TGM1: variants seen among roughly 807,000 people sequenced by gnomAD.
TGM1 encodes transglutaminase 1.
TGM1 carries 63 observed loss-of-function variants against 88.7 expected under a neutral mutation model. That is an observed-to-expected ratio of 0.71 (90% CI 0.58 to 0.88). The LOEUF is 0.88. TGM1 is among the 40% of genes least tolerant of loss of function. The probability of loss-of-function intolerance (pLI) is 0.00; values close to 1 mark genes in which losing one functional copy is unlikely to be tolerated. For synonymous variants in TGM1, 415 were observed against 431.1 expected (o/e 0.96, Z 0.46); for missense variants, 996 against 1,118.0 (o/e 0.89, Z 1.56).
At position 24,249,145 on chromosome 14, in the gene TGM1, C is replaced by G. The variant is rs1594562648; in HGVS notation, c.*168G>C. 2.9e-6 allele frequency: 2 copies of G among 700,314 alleles called. No individual in the cohort carries two copies. The highest frequency in any genetic ancestry group is 3.0e-5 in the South Asian group (2 of 66,582). The allele number at this position is 700,314 out of a possible 1,614,324, so 43.4% of individuals were successfully genotyped here. A position where few individuals can be genotyped will look rare whatever the true frequency, so the allele number is the denominator to read the frequency against. On this transcript the variant is annotated 3_prime_UTR_variant, in exon 15 of 15. Coordinates refer to ENST00000206765, the MANE Select transcript of TGM1 (RefSeq NM_000359.3). ...AAAAAACAGTTTATTAGCATCTGTT[C>G]CCCCAGTGCAAGTGAAGACTGACTC...
chr14:24,255,530 G>C lies in TGM1; in HGVS notation c.1492-13C>G, dbSNP rs1713346968. 1.9e-6 allele frequency: 3 copies of C among 1,612,654 alleles called. No individual in the cohort carries two copies. Among genetic ancestry groups the C allele is most frequent in the Non-Finnish European group, 1.7e-6 (2 of 1,180,022 alleles). On this transcript the variant is annotated splice_polypyrimidine_tract_variant and intron_variant, in intron 10 of 14. Coordinates refer to ENST00000206765, the MANE Select transcript of TGM1 (RefSeq NM_000359.3). This position sits in a 1 kb window ranked among gnomAD's most constrained non-coding sequence, Gnocchi z 4.0. ...TGTCACTATTCACCTGTGGGGGGTG[G>C]GGGTGAGCAGGAATGAGTGAGCCAG...
intron 14 of TGM1, among the ~76,000 whole-genome samples, chr14:24,253,190 C>T (rs1024205657): frequency 2.6e-5 from 4 of 152,174 alleles, no homozygotes; most frequent in African/African-American, 9.7e-5. Flanking sequence ...GAGATGTGAC[C>T]GCCAGCTTCC....
chr14:24,261,680 C>A lies in TGM1; in HGVS notation c.508+15G>T. On this transcript the variant is annotated intron_variant, in intron 3 of 14. Transcript: ENST00000206765. ...ACATAGGGCCTTCACCCGTCCCAAT[C>A]CAAGCCCCACTGACCGATGAGTAAC... The A allele has an allele frequency of 6.2e-7, 1 of 1,614,010 alleles. No individual in the cohort carries two copies.
At chr14:24,252,694 C>T (rs939952752) in intron 14 of TGM1, among the ~76,000 whole-genome samples, 51 of 151,702 alleles carry the variant, frequency 3.4e-4, no homozygotes, top group African/African-American at 1.2e-3. Flanking sequence ...GCGAAGGTGG[C>T]AGCCACCACC....
chr14:24,259,922 T>G lies in TGM1; in HGVS notation c.876+18A>C, dbSNP rs752838184. 6 of 1,612,028 alleles carry G rather than the reference T, an allele frequency of 3.7e-6. No individual in the cohort carries two copies. The African/African-American group carries it at 8.0e-5, about 22-fold the overall frequency. On this transcript the variant is annotated intron_variant, in intron 5 of 14. Transcript: ENST00000206765. The surrounding 1 kb of genome is among the most constrained non-coding windows in gnomAD (Gnocchi z 5.7). ...CAGCTCCTCTGGGTGTATGTGACCC[T>G]GGCCAGCCGCACCATACCTGGCCGT...
In TGM1 at chr14:24,255,168, C is replaced by G. The variant is rs756529645; in HGVS notation, c.1731G>C (p.Glu577Asp). The G allele has an allele frequency of 3.1e-5, 50 of 1,613,998 alleles. No homozygotes were observed. The highest frequency in any genetic ancestry group is 3.7e-5 in the Non-Finnish European group (44 of 1,180,042). Residue 577 changes from glutamate (E) to aspartate (D), a missense_variant, in exon 12 of 15, where the codon GAG becomes GAC. Glu to Asp is a conservative substitution (Grantham distance 45). Transcript: ENST00000206765. The surrounding 1 kb of genome is among the most constrained non-coding windows in gnomAD (Gnocchi z 4.0). ...GTGCCTCCACCTGCATGGCCACATC[C>G]TCCGCTGAGCCCCGGTTGGCATACA... The part of the protein sequence containing the change: ...PNVYANRGSA[E>D]DVAMQVEAQD...
At chr14:24,256,448 C>T (rs1207340099) in intron 9 of TGM1, among the ~76,000 whole-genome samples, 8 of 152,180 alleles carry the variant, frequency 5.3e-5, no homozygotes. Flanking sequence ...ATCTGTGACC[C>T]CCAGAGGACA....
At chr14:24,261,980 C>T in intron 2 of TGM1, 54 bp downstream of exon 2, 1 of 1,611,098 alleles carries the variant, frequency 6.2e-7, no homozygotes. Context: ...GGCTGAGTCT[C>T]TGGTCCCATT....
At chr14:24,252,972 T>C (rs1286490964) in intron 14 of TGM1, among the ~76,000 whole-genome samples, 1 of 152,180 alleles carries the variant, frequency 6.6e-6, no homozygotes, top group East Asian at 1.9e-4. Context: ...ACACAGCATG[T>C]GTGTGCCCTC....
intron 4 of TGM1, 56 bp from the exon 5 acceptor site, chr14:24,260,114 C>T (rs1374344985): frequency 6.7e-7 from 1 of 1,496,834 alleles, no homozygotes; most frequent in Non-Finnish European, 9.3e-7. Flanking sequence ...CTGGGCCTCA[C>T]CTACTTCTGG....
rs1400781472 is a variant in TGM1, at chr14:24,256,096, C to G, written c.1403-19G>C. 1.9e-6 allele frequency: 3 copies of G among 1,548,978 alleles called. No homozygotes were observed. Among genetic ancestry groups the G allele is most frequent in the Non-Finnish European group, 2.6e-6 (3 of 1,143,384 alleles). ...AAGATGCCTAGAGAGTGAGGCGGGA[C>G]AGAGGCAAGAGATCTGAGAAGGCGG... On this transcript the variant is annotated intron_variant, in intron 9 of 14. Transcript: ENST00000206765.
rs1399553337 is a variant in TGM1 at position 24,259,230 on chromosome 14, T to C, written c.1004A>G (p.Asn335Ser). 1 of 1,613,428 alleles carries C rather than the reference T, an allele frequency of 6.2e-7. No homozygotes were observed. The highest frequency in any genetic ancestry group is 8.5e-7 in the Non-Finnish European group (1 of 1,179,694). ...ISAMVNSLDD[N>S]GVLIGNWSGD... ...AGACCAGTTCCCAATCAGGACTCCATTGTCATCCAGGGAGTTCACCTGCCC... is the reference window on the plus strand; with the variant it reads ...AGACCAGTTCCCAATCAGGACTCCACTGTCATCCAGGGAGTTCACCTGCCC... Residue 335 changes from asparagine (N) to serine (S), a missense_variant, in exon 7 of 15, where the codon AAT becomes AGT. Transcript: ENST00000206765. The surrounding 1 kb of genome is among the most constrained non-coding windows in gnomAD (Gnocchi z 5.7).
Position 24,254,136 on chromosome 14 carries a change from G to C in TGM1, c.2225+16C>G, listed in dbSNP as rs1392064484. On this transcript the variant is annotated intron_variant, in intron 14 of 14. Coordinates refer to ENST00000206765, the MANE Select transcript of TGM1 (RefSeq NM_000359.3). Reference sequence around the variant, plus strand: ...GCCAGAGTGGAAGCAGGGGTAGGGGGAGAGGCCAGACTCACCCAACGTTGA... The same window carrying C: ...GCCAGAGTGGAAGCAGGGGTAGGGGCAGAGGCCAGACTCACCCAACGTTGA... 2 of 1,605,814 alleles carry C rather than the reference G, an allele frequency of 1.2e-6. No homozygotes were observed. The highest frequency in any genetic ancestry group is 2.7e-5 in the African/African-American group (2 of 74,836).
chr14:24,258,259 G>T, intron 9 of TGM1, 26 bp downstream of exon 9: 1 of 1,568,316 alleles, frequency 6.4e-7, no homozygotes, highest in Non-Finnish European at 8.8e-7. Context: ...GCAGGGGCAT[G>T]GTGGGGAGTG....
rs760562528 is a variant in TGM1 at position 24,258,576 on chromosome 14, C to T, written c.1257G>A (p.Glu419=). 1.9e-6 allele frequency: 3 copies of T among 1,614,132 alleles called. No homozygotes were observed. The highest frequency in any genetic ancestry group is 2.2e-5 in the South Asian group (2 of 91,078). ...TCAGGTGCTCCAGGGGCTTCATGTTCTCGTCGAAGTAGATGTCCATGGTAA... is the reference window on the plus strand; with the variant it reads ...TCAGGTGCTCCAGGGGCTTCATGTTTTCGTCGAAGTAGATGTCCATGGTAA... The part of the protein sequence containing the change: ...TSLTMDIYFD[E]NMKPLEHLNH... Residue 419 remains glutamate, a synonymous_variant, in exon 8 of 15, where the codon GAG becomes GAA. Transcript: ENST00000206765.
rs139387079 is a variant in TGM1 at position 24,254,217 on chromosome 14, G to C, written c.2160C>G (p.Thr720=). 1.9e-6 allele frequency: 3 copies of C among 1,613,912 alleles called. No homozygotes were observed. Among genetic ancestry groups the C allele is most frequent in the East Asian group, 4.5e-5 (2 of 44,892 alleles). The part of the protein sequence containing the change: ...QIVFKNPLPV[T]LTNVVFRLEG... ...CGAGCCGGAAGACGACATTGGTGAG[G>C]GTGACGGGAAGGGGGTTCTTGAAGA... The change falls in exon 14 of 15, where the codon ACC becomes ACG. Residue 720 remains threonine, a synonymous_variant. Coordinates refer to ENST00000206765, the MANE Select transcript of TGM1 (RefSeq NM_000359.3).
intron 1 of TGM1, 146 bp from the exon 2 acceptor site, chr14:24,262,500 A>G (rs2040822807): frequency 2.2e-6 from 2 of 891,160 alleles, no homozygotes; most frequent in Admixed American, 2.0e-5. Context: ...ACACATCCAG[A>G]GACCTTCCGC....
chr14:24,261,150 G>A (rs1242801784), intron 3 of TGM1, among the ~76,000 whole-genome samples: 1 of 152,196 alleles, frequency 6.6e-6, no homozygotes, highest in African/African-American at 2.4e-5. Flanking sequence ...ATTAAAGGAT[G>A]AGGTGGGCAA....
chr14:24,252,634 C>CA (rs1429516089), intron 14 of TGM1, among the ~76,000 whole-genome samples: 1 of 152,164 alleles, frequency 6.6e-6, no homozygotes, highest in East Asian at 1.9e-4. Context: ...CCCAGGGGCC[C>CA]AGGCTGGGGC....
Sources: gnomAD v4.1 joint callset for allele counts (sites outside exome capture counted in the v4.1 genomes callset) on GRCh38, gnomAD v4.1.1 for gene constraint, Gnocchi (gnomAD v3.1) non-coding constraint, MANE v1.5 for transcripts, NCBI Gene and HGNC (gene_info 2026-07-23, HGNC 2026-07-21) for gene names.